Variants in LRP6 observed in about 807,000 individuals in gnomAD.
The protein encoded by LRP6 is low-density lipoprotein receptor-related protein 6.
LRP6 carries 43 observed loss-of-function variants against 184.1 expected under a neutral mutation model. The ratio of observed to expected loss-of-function variants is 0.23; its 90% CI spans 0.18 to 0.30. LRP6 has a LOEUF of 0.30. LRP6 is among the 10% of genes least tolerant of loss of function. The pLI, the probability that LRP6 is intolerant of heterozygous loss-of-function variation, is 1.00. For missense variants in LRP6, 1,571 were observed against 2,005.3 expected (o/e 0.78, Z 4.14); for synonymous variants, 719 against 684.9 (o/e 1.05, Z -0.78).
At chr12:12,246,137 G>A (rs1424241972) in intron 1 of LRP6, among the ~76,000 whole-genome samples, 1 of 151,114 alleles carries the variant, frequency 6.6e-6, no homozygotes, top group Non-Finnish European at 1.5e-5. Context: ...TGAGTAGTTG[G>A]GATTACAGGT....
intron 12 of LRP6, among the ~76,000 whole-genome samples, chr12:12,154,340 T>A (rs776119239): frequency 2.6e-5 from 4 of 152,204 alleles, no homozygotes; most frequent in Non-Finnish European, 5.9e-5. Flanking sequence ...AGAACTTCCC[T>A]AATCACCCCA....
At chr12:12,237,606 G>C (rs534458755) in intron 2 of LRP6, among the ~76,000 whole-genome samples, 1 of 152,206 alleles carries the variant, frequency 6.6e-6, no homozygotes, top group Admixed American at 6.5e-5. Context: ...TCCACATAAT[G>C]TGCCTGCTGA....
chr12:12,203,698 G>T (rs916494055), intron 2 of LRP6, among the ~76,000 whole-genome samples: 1 of 152,152 alleles, frequency 6.6e-6, no homozygotes, highest in African/African-American at 2.4e-5. Flanking sequence ...AACCCGAGAG[G>T]CGGAGGTTGC....
At chr12:12,146,140 A>G (rs1269940864) in intron 15 of LRP6, among the ~76,000 whole-genome samples, 1 of 152,232 alleles carries the variant, frequency 6.6e-6, no homozygotes, top group African/African-American at 2.4e-5. Flanking sequence ...GTATTTCTCC[A>G]TGAAGGACTA....
chr12:12,147,821 A>C (rs978803886), intron 14 of LRP6, among the ~76,000 whole-genome samples: 6 of 152,110 alleles, frequency 3.9e-5, no homozygotes, highest in South Asian at 2.1e-4. Context: ...AAAATACCCC[A>C]AAAATTAGCC....
At chr12:12,177,125 T>C (rs1481162906) in intron 7 of LRP6, among the ~76,000 whole-genome samples, 1 of 152,078 alleles carries the variant, frequency 6.6e-6, no homozygotes. Context: ...GGATTACAGG[T>C]GTGAGCCACC....
chr12:12,142,223 T>C (rs1949944435), intron 15 of LRP6, among the ~76,000 whole-genome samples: 1 of 152,136 alleles, frequency 6.6e-6, no homozygotes, highest in Non-Finnish European at 1.5e-5. Flanking sequence ...ATTACTTTAA[T>C]GAAAATTAAA....
At chr12:12,180,101 G>A (rs1230093755) in intron 6 of LRP6, 120 bp from the exon 7 acceptor site, 67 of 738,442 alleles carry the variant, frequency 9.1e-5, no homozygotes, top group Non-Finnish European at 1.3e-4. Flanking sequence ...CCAAGGAAGG[G>A]GAAAAAAAAA....
chr12:12,124,802 C>T (rs1949651351), intron 21 of LRP6, 140 bp from the exon 22 acceptor site: 1 of 631,586 alleles, frequency 1.6e-6, no homozygotes, highest in Non-Finnish European at 2.7e-6. Context: ...AAAGAATTGA[C>T]CTCAAACAGT....
intron 9 of LRP6, among the ~76,000 whole-genome samples, chr12:12,163,432 A>C (rs1264763811): frequency 6.6e-6 from 1 of 152,240 alleles, no homozygotes; most frequent in East Asian, 1.9e-4. Context: ...AAAAAAGTTT[A>C]CATGAGTTAT....
At chr12:12,246,299 G>T (rs570146674) in intron 1 of LRP6, among the ~76,000 whole-genome samples, 4 of 151,816 alleles carry the variant, frequency 2.6e-5, no homozygotes, top group African/African-American at 9.7e-5. Context: ...GAGCCACTGC[G>T]CCCGGCCCCA....
Position 12,148,822 on chromosome 12 carries a change from G to A in LRP6, c.3206+120C>T, listed in dbSNP as rs1950043732. 3 of 797,616 alleles carry A rather than the reference G, an allele frequency of 3.8e-6. No individual in the cohort carries two copies. The South Asian group carries it at 4.1e-5, about 11-fold the overall frequency. The allele number at this position is 797,616 out of a possible 1,614,324, so 49.4% of individuals were successfully genotyped here. A position where few individuals can be genotyped will look rare whatever the true frequency, so the allele number is the denominator to read the frequency against. ...GATAATGCAGAAACAAACTGATAGA[G>A]AATATTGAATTGTTTGCTGGAGCAC... On this transcript the variant is annotated intron_variant, in intron 14 of 22. Transcript: ENST00000261349.
intron 1 of LRP6, among the ~76,000 whole-genome samples, chr12:12,263,845 T>C (rs1188192053): frequency 6.7e-6 from 1 of 150,002 alleles, no homozygotes; most frequent in East Asian, 2.0e-4. Context: ...AAAAAAAAAA[T>C]AGGAATTCGT....
At chr12:12,208,891 A>G (rs371160861) in intron 2 of LRP6, among the ~76,000 whole-genome samples, 29 of 152,216 alleles carry the variant, frequency 1.9e-4, no homozygotes, top group Non-Finnish European at 4.4e-5. Flanking sequence ...TTAATACACA[A>G]ATCAATTGAT....
chr12:12,211,379 T>C (rs964980820), intron 2 of LRP6, among the ~76,000 whole-genome samples: 4 of 152,012 alleles, frequency 2.6e-5, no homozygotes, highest in Admixed American at 2.6e-4. Flanking sequence ...GAGGTGGAGG[T>C]TGCAATGAGC....
chr12:12,134,537 C>T (rs1343229677), intron 17 of LRP6, among the ~76,000 whole-genome samples: 2 of 152,098 alleles, frequency 1.3e-5, no homozygotes, highest in Admixed American at 1.3e-4. Flanking sequence ...AATTTTACTA[C>T]AACAGTATCA....
At position 12,229,379 on chromosome 12, in the gene LRP6, AAAAAAAAAGAAG is replaced by A. The variant is rs942334004; in HGVS notation, c.449+14871_449+14882del. Among the ~76,000 whole-genome samples the A allele has an allele frequency of 1.4e-4, 18 of 130,008 alleles. 1 individual carries two copies. Among genetic ancestry groups the A allele is most frequent in the African/African-American group, 4.4e-4 (17 of 38,850 alleles). 85.3% of individuals were successfully genotyped at this position (130,008 alleles called of 152,430 possible). A position where few individuals can be genotyped will look rare whatever the true frequency, so the allele number is the denominator to read the frequency against. ...AAGTGAAACTCCATTTCAAAAAAAA[AAAAAAAAAGAAG>A]AAGAAGAAGAATATCTCACACTGAG... On this transcript the variant is annotated intron_variant, in intron 2 of 22. Coordinates refer to ENST00000261349, the MANE Select transcript of LRP6 (RefSeq NM_002336.3).
In LRP6 at chr12:12,121,269, C is replaced by A. The variant is rs1437331115; in HGVS notation, c.4699G>T (p.Val1567Leu). The A allele has an allele frequency of 6.2e-7, 1 of 1,614,078 alleles. No homozygotes were observed. Among genetic ancestry groups the A allele is most frequent in the Non-Finnish European group, 8.5e-7 (1 of 1,180,030 alleles). ...TSDLNYDSEP[V>L]PPPPTPRSQY... ...CTTCGGGGTGTGGGAGGTGGGGGCA[C>A]AGGTTCTGAATCATAGTTCAAGTCA... is the stretch of plus-strand genomic sequence containing the variant. Residue 1567 changes from valine to leucine, a missense_variant, in exon 23 of 23, where the codon GTG (valine) becomes TTG (leucine). By Grantham distance (32) the Val-to-Leu change is conservative. This residue lies in a region of LRP6 where 763 missense variants were observed against 859.5 expected (regional missense o/e 0.89). Coordinates refer to ENST00000261349, the MANE Select transcript of LRP6 (RefSeq NM_002336.3).
intron 11 of LRP6, 150 bp downstream of exon 11, chr12:12,159,630 A>G: frequency 1.4e-6 from 1 of 720,010 alleles, no homozygotes; most frequent in Non-Finnish European, 2.3e-6. Flanking sequence ...GATCACTATT[A>G]ATAACAAACA....
Sources: allele counts gnomAD v4.1 joint callset (sites outside exome capture counted in the v4.1 genomes callset), GRCh38; gene constraint gnomAD v4.1.1; regional missense constraint gnomAD v4.1.1; transcripts MANE v1.5; gene names NCBI Gene and HGNC (gene_info 2026-07-23, HGNC 2026-07-21).